Variants in MACROD2 observed in about 807,000 individuals in gnomAD.
The protein encoded by MACROD2 is mono-ADP ribosylhydrolase 2.
A neutral mutation model predicts 70.4 loss-of-function variants in MACROD2; 36 were observed. The ratio of observed to expected loss-of-function variants is 0.51; its 90% CI spans 0.39 to 0.68. The LOEUF is 0.68. MACROD2 is among the 30% of genes least tolerant of loss of function. MACROD2 has a pLI of 0.00. For synonymous variants in MACROD2, 172 were observed against 178.8 expected, an observed-to-expected ratio of 0.96 and a Z score of 0.30; for missense variants, 496 against 538.4, an observed-to-expected ratio of 0.92 and a Z score of 0.78.
rs59129207 is a variant in MACROD2 at position 15,227,823 on chromosome 20, G to GTTTTTTTTTTTTTTTTTTTTTT, written c.419-2112_419-2091dup. The stretch of plus-strand genomic sequence containing the variant: ...TAACTGGTGTGATAGAATTTCACCT[G>GTTTTTTTTTTTTTTTTTTTTTT]TTTTTTTTTTTTTTTTTTTTTTTTT... On this transcript the variant is annotated intron_variant, in intron 5 of 17. Coordinates refer to ENST00000684519, the MANE Select transcript of MACROD2 (RefSeq NM_001351661.2). 4.8e-4 allele frequency among the ~76,000 whole-genome samples: 22 copies of GTTTTTTTTTTTTTTTTTTTTTT among 46,084 alleles called. 5 individuals carry two copies. Among genetic ancestry groups the GTTTTTTTTTTTTTTTTTTTTTT allele is most frequent in the African/African-American group, 6.8e-4 (7 of 10,304 alleles). 30.2% of individuals were successfully genotyped at this position (46,084 alleles called of 152,430 possible).
chr20:14,966,054 G>A (rs574747785), intron 5 of MACROD2, among the ~76,000 whole-genome samples: 10 of 152,100 alleles, frequency 6.6e-5, no homozygotes, highest in African/African-American at 2.4e-4. Flanking sequence ...GAAAACTAAC[G>A]AGTATTTATT....
At chr20:15,923,038 T>G (rs2065434472) in intron 10 of MACROD2, among the ~76,000 whole-genome samples, 1 of 152,206 alleles carries the variant, frequency 6.6e-6, no homozygotes, top group Admixed American at 6.5e-5. Flanking sequence ...AGATTCAGAA[T>G]TTGGACAATG....
chr20:15,258,903 G>C (rs1156739571), intron 6 of MACROD2, among the ~76,000 whole-genome samples: 2 of 152,018 alleles, frequency 1.3e-5, no homozygotes, highest in African/African-American at 4.8e-5. Context: ...AGATAAGATT[G>C]CTAAGTTAGA....
intron 4 of MACROD2, among the ~76,000 whole-genome samples, chr20:14,559,255 C>T (rs760353501): frequency 1.3e-5 from 2 of 151,684 alleles, no homozygotes; most frequent in Non-Finnish European, 1.5e-5. Context: ...TTTGAATTTA[C>T]ACTTTTTAAG....
chr20:14,523,965 A>G (rs1436639194), intron 4 of MACROD2, among the ~76,000 whole-genome samples: 15 of 152,236 alleles, frequency 9.9e-5, no homozygotes, highest in Admixed American at 9.8e-4. Context: ...GACGTTGTTC[A>G]TCTAGAGTTA....
intron 4 of MACROD2, among the ~76,000 whole-genome samples, chr20:14,575,729 A>G (rs919189245): frequency 2.0e-5 from 3 of 152,220 alleles, no homozygotes; most frequent in Non-Finnish European, 2.9e-5. Flanking sequence ...AATGTAGGAA[A>G]AAATTATAGT....
chr20:15,840,372 C>G lies in MACROD2; in HGVS notation c.646-22373C>G, dbSNP rs73248312. Among the ~76,000 whole-genome samples the G allele has an allele frequency of 6.9e-3, 1,056 of 152,242 alleles. 9 individuals are homozygous for G. The highest frequency in any genetic ancestry group is 0.023 in the African/African-American group (976 of 41,546). On this transcript the variant is annotated intron_variant, in intron 8 of 17. Coordinates refer to ENST00000684519, the MANE Select transcript of MACROD2 (RefSeq NM_001351661.2). ...CTTCAGCTTTGCAACTTGCCGGGGA[C>G]AACATGTGTGGTTGGTTGACTCCAA...
intron 4 of MACROD2, among the ~76,000 whole-genome samples, chr20:14,509,897 G>A (rs1171140646): frequency 2.0e-5 from 3 of 151,862 alleles, no homozygotes; most frequent in Non-Finnish European, 4.4e-5. Flanking sequence ...GTGCATATAT[G>A]CTGATACAGT....
intron 8 of MACROD2, among the ~76,000 whole-genome samples, chr20:15,633,975 T>C (rs2146757239): frequency 6.6e-6 from 1 of 152,368 alleles, no homozygotes; most frequent in Admixed American, 6.5e-5. Context: ...TATCTGTTTA[T>C]GCCTCTTTAG....
chr20:14,227,718 A>G (rs968362595), intron 3 of MACROD2, among the ~76,000 whole-genome samples: 2 of 152,242 alleles, frequency 1.3e-5, no homozygotes, highest in Non-Finnish European at 2.9e-5. Context: ...TTAGATGCCA[A>G]CTTTACTTTT....
intron 5 of MACROD2, among the ~76,000 whole-genome samples, chr20:14,782,005 C>A (rs140452269): frequency 6.6e-6 from 1 of 151,860 alleles, no homozygotes; most frequent in South Asian, 2.1e-4. Context: ...CTCACTGCAA[C>A]CTCCGCCTCC....
intron 4 of MACROD2, among the ~76,000 whole-genome samples, chr20:14,678,459 T>C (rs1473750253): frequency 2.0e-5 from 3 of 152,142 alleles, no homozygotes; most frequent in Non-Finnish European, 2.9e-5. Flanking sequence ...TTAGTTGTCT[T>C]TTTTCCTATA....
intron 8 of MACROD2, among the ~76,000 whole-genome samples, chr20:15,837,613 G>C (rs1489833881): frequency 6.6e-6 from 1 of 152,084 alleles, no homozygotes; most frequent in African/African-American, 2.4e-5. Flanking sequence ...GGTCACCAAA[G>C]TGCAGCCTTT....
chr20:14,611,655 C>T (rs1983178427), intron 4 of MACROD2, among the ~76,000 whole-genome samples: 1 of 151,976 alleles, frequency 6.6e-6, no homozygotes, highest in African/African-American at 2.4e-5. Flanking sequence ...TGGGTCCACC[C>T]ATGGATTATC....
intron 7 of MACROD2, among the ~76,000 whole-genome samples, chr20:15,494,098 G>A (rs2047264543): frequency 6.6e-6 from 1 of 152,178 alleles, no homozygotes; most frequent in Admixed American, 6.5e-5. Context: ...AAAAAGTATT[G>A]ACTAGCCTAA....
At chr20:14,028,870 ATTC>A (rs2053213826) in intron 2 of MACROD2, among the ~76,000 whole-genome samples, 1 of 152,080 alleles carries the variant, frequency 6.6e-6, no homozygotes, top group African/African-American at 2.4e-5. Flanking sequence ...CCAGAGCCCA[ATTC>A]TTCTCAATCA....
rs558856370 is a variant in MACROD2 at position 14,757,851 on chromosome 20, G to A, written c.418+72892G>A. The stretch of plus-strand genomic sequence containing the variant: ...GTGCCTGCCACTCTATGCCGTAGCC[G>A]TCCAGGGACTGGCAGGCCTCGGCCT... On this transcript the variant is annotated intron_variant, in intron 5 of 17. Transcript: ENST00000684519. 31 of 1,516,300 alleles carry A rather than the reference G, an allele frequency of 2.0e-5. No individual in the cohort carries two copies. The African/African-American group carries it at 2.6e-4, about 13-fold the overall frequency. The allele number at this position is 1,516,300 out of a possible 1,614,324, so 93.9% of individuals were successfully genotyped here. A position where few individuals can be genotyped will look rare whatever the true frequency, so the allele number is the denominator to read the frequency against.
intron 5 of MACROD2, among the ~76,000 whole-genome samples, chr20:15,168,560 C>T (rs999295024): frequency 4.0e-5 from 6 of 151,454 alleles, no homozygotes; most frequent in South Asian, 2.1e-4. Flanking sequence ...CGAACAGATG[C>T]TTGTACACCA....
chr20:14,310,477 G>A lies in MACROD2; in HGVS notation c.272-183002G>A, dbSNP rs556709530. On this transcript the variant is annotated intron_variant, in intron 3 of 17. Transcript: ENST00000684519. ...AAGGTCATAGTGCAACGCAGTACTC[G>A]CGTATTTGTGGTGATGCTGGTGTAA... 1.5e-4 allele frequency among the ~76,000 whole-genome samples: 23 copies of A among 152,234 alleles called. No homozygotes were observed. The East Asian group carries it at 2.7e-3, about 18-fold the overall frequency.
Sources: allele counts gnomAD v4.1 joint callset (sites outside exome capture counted in the v4.1 genomes callset), GRCh38; gene constraint gnomAD v4.1.1; transcripts MANE v1.5; gene names NCBI Gene and HGNC (gene_info 2026-07-23, HGNC 2026-07-21).